The following SHISA9 variants were observed in gnomAD, a reference collection of about 807,000 sequenced individuals.
The protein encoded by SHISA9 is protein shisa-9.
SHISA9 carries 13 observed loss-of-function variants against 38.0 expected under a neutral mutation model. The ratio of observed to expected loss-of-function variants is 0.34; its 90% CI spans 0.22 to 0.54. The LOEUF (loss-of-function observed/expected upper bound fraction) is 0.54, where lower values mean the gene tolerates loss of function less well. Among genes scored for constraint, SHISA9 ranks in the 20% least tolerant of loss-of-function variants. SHISA9 has a pLI of 0.91. For missense variants in SHISA9, 538 were observed against 575.8 expected (o/e 0.93, Z 0.67); for synonymous variants, 275 against 242.0 (o/e 1.14, Z -1.27).
chr16:13,461,502 C>T, the SHISA9 span, among the ~76,000 whole-genome samples: 1 of 151,902 alleles, frequency 6.6e-6, no homozygotes, highest in East Asian at 1.9e-4. Context: ...TCGCCTGACC[C>T]CTGGAGGCAG....
At chr16:13,183,799 G>C (rs1206443032) in intron 2 of SHISA9, among the ~76,000 whole-genome samples, 1 of 152,078 alleles carries the variant, frequency 6.6e-6, no homozygotes, top group Admixed American at 6.6e-5. Flanking sequence ...CTGTTTCCAT[G>C]GATTTGAATT....
chr16:12,906,596 G>C (rs1451562468), intron 1 of SHISA9, among the ~76,000 whole-genome samples: 1 of 152,172 alleles, frequency 6.6e-6, no homozygotes, highest in Non-Finnish European at 1.5e-5. Flanking sequence ...ACCAAACCAT[G>C]TAGTCATGCT....
At chr16:13,240,936 A>G (rs1267808126), downstream of SHISA9, among the ~76,000 whole-genome samples, 1 of 151,610 alleles carries the variant, frequency 6.6e-6, no homozygotes, top group Non-Finnish European at 1.5e-5. Context: ...AATGAAGAGA[A>G]TACTGGGAGG....
At chr16:13,294,051 G>T in the SHISA9 span, among the ~76,000 whole-genome samples, 2 of 152,162 alleles carry the variant, frequency 1.3e-5, no homozygotes, top group Admixed American at 6.5e-5. Flanking sequence ...ACACAAGCAA[G>T]CCACACAATT....
At chr16:13,037,080 AC>A (rs2073077997) in intron 2 of SHISA9, among the ~76,000 whole-genome samples, 3 of 100,566 alleles carry the variant, frequency 3.0e-5, no homozygotes, top group Admixed American at 2.2e-4. Context: ...ACACACACAC[AC>A]ACCACACCAC....
chr16:12,926,824 C>T (rs1270645509), intron 2 of SHISA9, among the ~76,000 whole-genome samples: 2 of 152,202 alleles, frequency 1.3e-5, no homozygotes, highest in African/African-American at 4.8e-5. Flanking sequence ...CATGGACTGA[C>T]TTTGCCCACC....
the SHISA9 span, among the ~76,000 whole-genome samples, chr16:13,382,267 C>A: frequency 6.6e-6 from 1 of 152,100 alleles, no homozygotes; most frequent in African/African-American, 2.4e-5. Context: ...GTGGCTCATG[C>A]CTGTAATCCC....
At chr16:12,905,663 C>T (rs544953180) in intron 1 of SHISA9, among the ~76,000 whole-genome samples, 1 of 151,802 alleles carries the variant, frequency 6.6e-6, no homozygotes, top group Non-Finnish European at 1.5e-5. Flanking sequence ...AGGATCTCCG[C>T]TCACTGCAAC....
the SHISA9 span, chr16:13,458,506 A>G: frequency 2.2e-5 from 9 of 411,994 alleles, no homozygotes; most frequent in Admixed American, 6.6e-5. Context: ...TCTAGAAAAA[A>G]CTCGATCAAC....
At chr16:13,516,189 T>C in the SHISA9 span, among the ~76,000 whole-genome samples, 2 of 152,208 alleles carry the variant, frequency 1.3e-5, no homozygotes, top group East Asian at 3.9e-4. Context: ...GGTCAGTAGG[T>C]GTGAACAAGG....
intron 2 of SHISA9, among the ~76,000 whole-genome samples, chr16:13,062,708 G>T (rs568219736): frequency 3.3e-5 from 5 of 152,202 alleles, no homozygotes; most frequent in African/African-American, 1.2e-4. Context: ...TGGCTTGGCA[G>T]AGTAGAGTTA....
At chr16:12,907,851 T>C (rs2071123604) in intron 1 of SHISA9, among the ~76,000 whole-genome samples, 1 of 152,166 alleles carries the variant, frequency 6.6e-6, no homozygotes, top group Non-Finnish European at 1.5e-5. Context: ...TGCCACTAAG[T>C]GATGACTGCC....
the SHISA9 span, among the ~76,000 whole-genome samples, chr16:13,546,601 A>G: frequency 6.6e-6 from 1 of 152,204 alleles, no homozygotes; most frequent in Admixed American, 6.5e-5. Context: ...CGTGAATCAG[A>G]TTATAAGATT....
chr16:13,034,005 G>T (rs1424791215), intron 2 of SHISA9, among the ~76,000 whole-genome samples: 1 of 152,138 alleles, frequency 6.6e-6, no homozygotes, highest in African/African-American at 2.4e-5. Context: ...GATTAGCCAG[G>T]TGTGGTGGCG....
At chr16:13,077,884 T>C (rs1433353080) in intron 2 of SHISA9, among the ~76,000 whole-genome samples, 1 of 152,204 alleles carries the variant, frequency 6.6e-6, no homozygotes, top group Non-Finnish European at 1.5e-5. Flanking sequence ...CATATACACA[T>C]TTCTTTGTTT....
At chr16:13,530,105 C>A in the SHISA9 span, among the ~76,000 whole-genome samples, 2 of 152,184 alleles carry the variant, frequency 1.3e-5, no homozygotes, top group Non-Finnish European at 1.5e-5. Context: ...TCGAGGCCAG[C>A]CTGGCCAACA....
the SHISA9 span, among the ~76,000 whole-genome samples, chr16:13,365,906 G>GA: frequency 5.9e-3 from 895 of 152,210 alleles, 13 homozygotes; most frequent in African/African-American, 0.021. Flanking sequence ...TTGAACCTTT[G>GA]AAAAAAATTA....
the SHISA9 span, among the ~76,000 whole-genome samples, chr16:13,512,542 T>C: frequency 1.3e-5 from 2 of 152,062 alleles, no homozygotes; most frequent in East Asian, 1.9e-4. Context: ...AGAGAGTCTG[T>C]ATAGCCAGGA....
chr16:13,021,771 A>G (rs2072857531), intron 2 of SHISA9, among the ~76,000 whole-genome samples: 1 of 152,172 alleles, frequency 6.6e-6, no homozygotes, highest in South Asian at 2.1e-4. Context: ...CATTTATTAT[A>G]ACACTTATGA....
Sources: gnomAD v4.1 joint callset for allele counts (sites outside exome capture counted in the v4.1 genomes callset) on GRCh38, gnomAD v4.1.1 for gene constraint, MANE v1.5 for transcripts, NCBI Gene and HGNC (gene_info 2026-07-23, HGNC 2026-07-21) for gene names.